The following ZNF407 variants were observed in gnomAD, a reference collection of about 807,000 sequenced individuals.
The protein encoded by ZNF407 is zinc finger protein 407.
In ZNF407, 17 loss-of-function variants were observed where a neutral mutation model predicts 131.2. That is an observed-to-expected ratio of 0.13 (90% CI 0.09 to 0.19). ZNF407 has a LOEUF of 0.19. ZNF407 is among the 10% of genes least tolerant of loss of function. The probability of loss-of-function intolerance (pLI) is 1.00; values close to 1 mark genes in which losing one functional copy is unlikely to be tolerated. For missense variants in ZNF407, 2,681 were observed against 2,830.6 expected (o/e 0.95, Z 1.20); for synonymous variants, 1,156 against 1,062.0 (o/e 1.09, Z -1.72).
At chr18:74,796,823 CTCA>C (rs1969928849) in intron 4 of ZNF407, among the ~76,000 whole-genome samples, 1 of 152,104 alleles carries the variant, frequency 6.6e-6, no homozygotes, top group African/African-American at 2.4e-5. Context: ...CGGAATTTAT[CTCA>C]TCATTAATTA....
intron 8 of ZNF407, among the ~76,000 whole-genome samples, chr18:75,053,027 C>T (rs1232006827): frequency 1.3e-5 from 2 of 152,206 alleles, no homozygotes; most frequent in Non-Finnish European, 2.9e-5. Context: ...TTCCTGTTTA[C>T]GCCCTCTTGG....
chr18:75,010,373 A>G (rs1024074028), intron 8 of ZNF407, among the ~76,000 whole-genome samples: 1 of 152,202 alleles, frequency 6.6e-6, no homozygotes, highest in African/African-American at 2.4e-5. Context: ...TGAACTGTTA[A>G]TAGAACAGTG....
chr18:74,668,923 A>C (rs1340179376), intron 3 of ZNF407, among the ~76,000 whole-genome samples: 1 of 151,952 alleles, frequency 6.6e-6, no homozygotes, highest in Non-Finnish European at 1.5e-5. Flanking sequence ...AAAAAAACCT[A>C]AGTCTCTGTT....
At chr18:74,743,025 AG>A (rs1453010707) in intron 3 of ZNF407, among the ~76,000 whole-genome samples, 1 of 152,158 alleles carries the variant, frequency 6.6e-6, no homozygotes, top group Non-Finnish European at 1.5e-5. Flanking sequence ...GGGTGTGAGG[AG>A]GCAGAACTTG....
At chr18:74,756,973 G>A (rs1001247944) in intron 3 of ZNF407, among the ~76,000 whole-genome samples, 1 of 151,558 alleles carries the variant, frequency 6.6e-6, no homozygotes, top group Non-Finnish European at 1.5e-5. Context: ...TAATAATTTG[G>A]GTCTTCTTTC....
At chr18:74,949,922 GA>G (rs562434612) in intron 8 of ZNF407, among the ~76,000 whole-genome samples, 37 of 152,240 alleles carry the variant, frequency 2.4e-4, no homozygotes, top group Middle Eastern at 6.8e-3. Flanking sequence ...AAATGTTCAA[GA>G]AAAAACAATA....
chr18:75,027,728 T>C (rs1391169829), intron 8 of ZNF407, among the ~76,000 whole-genome samples: 2 of 151,492 alleles, frequency 1.3e-5, no homozygotes, highest in Non-Finnish European at 2.9e-5. Context: ...GGGTTCAGAG[T>C]TCAAGGTCAG....
chr18:74,947,262 T>G (rs149004347), intron 8 of ZNF407, among the ~76,000 whole-genome samples: 53 of 152,328 alleles, frequency 3.5e-4, no homozygotes, highest in Non-Finnish European at 5.9e-4. Flanking sequence ...CAGTGAATAG[T>G]ATTACCTGAT....
Position 74,881,104 on chromosome 18 carries a change from C to G in ZNF407, c.5113C>G (p.Arg1705Gly), listed in dbSNP as rs745628606. Residue 1705 changes from arginine to glycine, a missense_variant, in exon 6 of 9, where the codon CGC becomes GGC. Around this residue, in one of 6 missense-constraint regions of ZNF407, gnomAD observed 213 missense variants for 332.2 expected, o/e 0.64. Transcript: ENST00000299687. ...GACCCGCCACGCCCTCACCAAGCATCGCAGACAGCACACAGGTCAGTTCCG... is the reference window on the plus strand; with the variant it reads ...GACCCGCCACGCCCTCACCAAGCATGGCAGACAGCACACAGGTCAGTTCCG... Reference protein sequence around the residue: ...GGTRHALTKHRRQHTGEKPFK... With the variant: ...GGTRHALTKHGRQHTGEKPFK... 5.1e-6 allele frequency: 8 copies of G among 1,576,148 alleles called. No individual in the cohort carries two copies. In the Admixed American group the frequency reaches 1.1e-4, roughly 21 times the overall value.
intron 8 of ZNF407, among the ~76,000 whole-genome samples, chr18:74,996,872 C>T (rs1205983377): frequency 6.6e-6 from 1 of 152,186 alleles, no homozygotes; most frequent in Non-Finnish European, 1.5e-5. Flanking sequence ...ATTTTTGTAG[C>T]TATCAGACTT....
chr18:74,975,708 T>C (rs972853241), intron 8 of ZNF407, among the ~76,000 whole-genome samples: 3 of 152,206 alleles, frequency 2.0e-5, no homozygotes, highest in Admixed American at 6.5e-5. Context: ...TCAGTGAGTA[T>C]ACTAATGAAA....
intron 3 of ZNF407, among the ~76,000 whole-genome samples, chr18:74,765,210 A>G (rs182782989): frequency 1.3e-5 from 2 of 152,140 alleles, no homozygotes; most frequent in African/African-American, 2.4e-5. Flanking sequence ...TTGTGTATTT[A>G]TAGTAATTGT....
chr18:74,700,566 C>A (rs1302669797), intron 3 of ZNF407, among the ~76,000 whole-genome samples: 5 of 152,160 alleles, frequency 3.3e-5, no homozygotes, highest in Non-Finnish European at 7.3e-5. Context: ...ATCCCCACCT[C>A]CCCCCAATTC....
intron 4 of ZNF407, among the ~76,000 whole-genome samples, chr18:74,865,138 G>A (rs1182565579): frequency 6.6e-6 from 1 of 152,160 alleles, no homozygotes; most frequent in Non-Finnish European, 1.5e-5. Context: ...ACCTGGCCAG[G>A]TACTTGGCCA....
intron 4 of ZNF407, among the ~76,000 whole-genome samples, chr18:74,837,563 T>A (rs1970575415): frequency 6.6e-6 from 1 of 152,232 alleles, no homozygotes; most frequent in Non-Finnish European, 1.5e-5. Context: ...ATTGAACATT[T>A]TTAATTTTTC....
At position 74,827,990 on chromosome 18, in the gene ZNF407, A is replaced by G. The variant is rs1970431641; in HGVS notation, c.4877+46488A>G. Among the ~76,000 whole-genome samples the G allele has an allele frequency of 2.0e-5, 3 of 152,168 alleles. No homozygotes were observed. In the South Asian group the frequency reaches 6.2e-4, roughly 31 times the overall value. On this transcript the variant is annotated intron_variant, in intron 4 of 8. Transcript: ENST00000299687. ...TTTGTTGTTTGTTTTTTAACCCTAT[A>G]CATAGCTGATTTCTGGTGCTGCCGG...
chr18:74,811,657 A>C (rs1222005839), intron 4 of ZNF407, among the ~76,000 whole-genome samples: 1 of 151,872 alleles, frequency 6.6e-6, no homozygotes, highest in Non-Finnish European at 1.5e-5. Context: ...GGATTAAGAA[A>C]ATGTGGCACA....
At chr18:74,756,739 G>A in intron 3 of ZNF407, among the ~76,000 whole-genome samples, 1 of 5,902 alleles carries the variant, frequency 1.7e-4, no homozygotes, top group Admixed American at 3.8e-3. Context: ...ATATGTCTTT[G>A]TAGAAGGTTT....
chr18:74,613,617 TC>T (rs1983158449), intron 1 of ZNF407, among the ~76,000 whole-genome samples: 1 of 152,220 alleles, frequency 6.6e-6, no homozygotes, highest in African/African-American at 2.4e-5. Flanking sequence ...TTGTAGGAGA[TC>T]CCTTATGGGG....
Sources: gnomAD v4.1 joint callset for allele counts (sites outside exome capture counted in the v4.1 genomes callset) on GRCh38, gnomAD v4.1.1 for gene constraint, gnomAD v4.1.1 regional missense constraint, MANE v1.5 for transcripts, NCBI Gene and HGNC (gene_info 2026-07-23, HGNC 2026-07-21) for gene names.